The following CORO2A variants were observed in gnomAD, a reference collection of about 807,000 sequenced individuals.
CORO2A encodes coronin 2A, also known as coronin-2A.
In CORO2A, 47 loss-of-function variants were observed where a neutral mutation model predicts 62.4. The observed-to-expected ratio is 0.75, with a 90% CI of 0.60 to 0.96. CORO2A has a LOEUF of 0.96. Ranked by LOEUF, CORO2A falls within the 40% of genes least tolerant of loss-of-function variation. The probability of loss-of-function intolerance (pLI) is 0.00; values close to 1 mark genes in which losing one functional copy is unlikely to be tolerated. For missense variants in CORO2A, 610 were observed against 684.1 expected, an observed-to-expected ratio of 0.89 and a Z score of 1.21; for synonymous variants, 273 against 268.9, an observed-to-expected ratio of 1.02 and a Z score of -0.15.
intron 11 of CORO2A, 118 bp from the exon 12 acceptor site, chr9:98,125,023 G>T: frequency 9.2e-7 from 1 of 1,084,022 alleles, no homozygotes; most frequent in Non-Finnish European, 1.3e-6. Context: ...CATGGCTGAG[G>T]CCTGATGGGG....
rs200943565 is a variant in CORO2A, at chr9:98,133,173, G to A, written c.513C>T (p.Ser171=). 1.7e-5 allele frequency: 28 copies of A among 1,614,252 alleles called. No homozygotes were observed. Among genetic ancestry groups the A allele is most frequent in the Non-Finnish European group, 2.3e-5 (27 of 1,180,050 alleles). The change falls in exon 5 of 12, where the codon AGC becomes AGT. Residue 171 remains serine, a synonymous_variant. Coordinates refer to ENST00000375077, the MANE Select transcript of CORO2A (RefSeq NM_052820.4). ...GGTGACAGCTAATCGTACTCATGGG[G>A]CTTGTGATGACAGACTCCTTTGTAT... The part of the protein sequence containing the change: ...NLDTKESVIT[S]PMSTISCHQD...
Position 98,135,526 on chromosome 9 carries a change from G to C in CORO2A, c.319-571C>G, listed in dbSNP as rs555381333. Reference sequence around the variant, plus strand: ...TGGGGTCATGGGCCTGTATTTCATGGTGAGGGCCTGAGAAGAGGTGCTGGG... The same window carrying C: ...TGGGGTCATGGGCCTGTATTTCATGCTGAGGGCCTGAGAAGAGGTGCTGGG... On this transcript the variant is annotated intron_variant, in intron 3 of 11. Transcript: ENST00000375077. Among the ~76,000 whole-genome samples the C allele has an allele frequency of 7.9e-5, 12 of 152,292 alleles. No individual in the cohort carries two copies. In the South Asian group the frequency reaches 2.5e-3, roughly 32 times the overall value.
chr9:98,129,644 C>A, intron 8 of CORO2A, 150 bp downstream of exon 8: 1 of 665,988 alleles, frequency 1.5e-6, no homozygotes, highest in East Asian at 2.6e-5. Flanking sequence ...CAGCCCCCAC[C>A]AAGTCAGAGT....
chr9:98,141,374 T>C (rs758417563), intron 2 of CORO2A, among the ~76,000 whole-genome samples: 5 of 145,224 alleles, frequency 3.4e-5, no homozygotes, highest in Non-Finnish European at 7.5e-5. Flanking sequence ...TTTTTGGACA[T>C]GGAGTCTCGT....
At chr9:98,134,102 C>A (rs750385796) in intron 4 of CORO2A, among the ~76,000 whole-genome samples, 13 of 152,132 alleles carry the variant, frequency 8.5e-5, no homozygotes, top group Non-Finnish European at 1.3e-4. Flanking sequence ...TCTCTGTAAA[C>A]CCCTATAGTG....
At chr9:98,181,179 G>A (rs72757946) in intron 1 of CORO2A, among the ~76,000 whole-genome samples, 16,550 of 151,260 alleles carry the variant, frequency 0.11, 1,071 homozygotes, top group East Asian at 0.24. Context: ...GTGTCCCCCA[G>A]CGCGACTCCC....
intron 1 of CORO2A, among the ~76,000 whole-genome samples, chr9:98,166,462 T>C (rs1827962524): frequency 6.6e-6 from 1 of 152,218 alleles, no homozygotes; most frequent in South Asian, 2.1e-4. Context: ...TGCAAATCCA[T>C]ATGATAAGGT....
intron 1 of CORO2A, among the ~76,000 whole-genome samples, chr9:98,173,297 A>G (rs1397596084): frequency 6.6e-6 from 1 of 152,228 alleles, no homozygotes; most frequent in Non-Finnish European, 1.5e-5. Context: ...TCGCTGCTCT[A>G]CAGCCCAGCT....
chr9:98,146,497 C>T (rs189746768), intron 2 of CORO2A, among the ~76,000 whole-genome samples: 13 of 152,338 alleles, frequency 8.5e-5, no homozygotes, highest in South Asian at 2.1e-4. Context: ...ACTTCCTGCA[C>T]GCTGTGGCAA....
At chr9:98,163,318 T>C (rs1055875893) in intron 1 of CORO2A, among the ~76,000 whole-genome samples, 17 of 152,306 alleles carry the variant, frequency 1.1e-4, no homozygotes, top group African/African-American at 4.1e-4. Context: ...GCCTCCAGAG[T>C]AGCTGGGATA....
At chr9:98,186,485 T>C (rs1828240004) in intron 1 of CORO2A, among the ~76,000 whole-genome samples, 1 of 152,104 alleles carries the variant, frequency 6.6e-6, no homozygotes, top group Non-Finnish European at 1.5e-5. Context: ...GGAATGATAG[T>C]ACAAAAAAGA....
chr9:98,166,091 G>T (rs1012269782), intron 1 of CORO2A, among the ~76,000 whole-genome samples: 1 of 152,198 alleles, frequency 6.6e-6, no homozygotes, highest in Non-Finnish European at 1.5e-5. Flanking sequence ...ACTGTTGACC[G>T]AGTCTTTGTA....
At chr9:98,150,209 G>A (rs1461459012) in intron 2 of CORO2A, among the ~76,000 whole-genome samples, 1 of 152,072 alleles carries the variant, frequency 6.6e-6, no homozygotes, top group Non-Finnish European at 1.5e-5. Context: ...GAGATTGCAG[G>A]TGTTAGCCAC....
chr9:98,170,706 G>T (rs1035899744), intron 1 of CORO2A, among the ~76,000 whole-genome samples: 7 of 152,190 alleles, frequency 4.6e-5, no homozygotes, highest in African/African-American at 1.7e-4. Context: ...GCCTCCCAAA[G>T]TGCTGAGATT....
intron 2 of CORO2A, among the ~76,000 whole-genome samples, chr9:98,141,647 C>T (rs1827570701): frequency 6.6e-6 from 1 of 152,200 alleles, no homozygotes; most frequent in Non-Finnish European, 1.5e-5. Context: ...AGCCACTGCG[C>T]CCAGCTGCCA....
chr9:98,150,796 C>T (rs980769434), intron 2 of CORO2A, among the ~76,000 whole-genome samples: 1 of 152,228 alleles, frequency 6.6e-6, no homozygotes, highest in Non-Finnish European at 1.5e-5. Flanking sequence ...AATCGGCCAT[C>T]TATAGGGGGT....
intron 2 of CORO2A, among the ~76,000 whole-genome samples, chr9:98,139,438 G>C (rs534611250): frequency 1.3e-5 from 2 of 152,198 alleles, no homozygotes; most frequent in South Asian, 4.1e-4. Flanking sequence ...GACCAGCCTG[G>C]TCAATATGGT....
chr9:98,180,902 C>T (rs1247781015), intron 1 of CORO2A, among the ~76,000 whole-genome samples: 1 of 152,206 alleles, frequency 6.6e-6, no homozygotes, highest in East Asian at 1.9e-4. Flanking sequence ...TGCTGAAAGA[C>T]CAGCTCCAGG....
rs1398806476 is a variant in CORO2A at position 98,143,202 on chromosome 9, G to A, written c.202-5514C>T. Among the ~76,000 whole-genome samples, 5 of 152,266 alleles carry A rather than the reference G, an allele frequency of 3.3e-5. No individual in the cohort carries two copies. The East Asian group carries it at 9.6e-4, about 29-fold the overall frequency. On this transcript the variant is annotated intron_variant, in intron 2 of 11. Transcript: ENST00000375077. ...CAAGTCTCCAAGGGGCTGCCCTGGG[G>A]CAGAGGGGGAAGACAGGACAGAAGG...
Sources: allele counts gnomAD v4.1 joint callset (sites outside exome capture counted in the v4.1 genomes callset), GRCh38; gene constraint gnomAD v4.1.1; transcripts MANE v1.5; gene names NCBI Gene and HGNC (gene_info 2026-07-23, HGNC 2026-07-21).